SDHC: variants seen among roughly 807,000 people sequenced by gnomAD.
The protein encoded by SDHC is succinate dehydrogenase cytochrome b560 subunit, mitochondrial.
In SDHC, 11 loss-of-function variants were observed where a neutral mutation model predicts 22.6. The ratio of observed to expected loss-of-function variants is 0.49; its 90% CI spans 0.31 to 0.81. The LOEUF is 0.81. Ranked by LOEUF, SDHC falls within the 30% of genes least tolerant of loss-of-function variation. The pLI is 0.05. For missense variants in SDHC, 160 were observed against 212.0 expected (o/e 0.75, Z 1.52); for synonymous variants, 80 against 77.8 (o/e 1.03, Z -0.15).
intron 3 of SDHC, among the ~76,000 whole-genome samples, chr1:161,334,797 G>A (rs1671410201): frequency 6.6e-6 from 1 of 152,106 alleles, no homozygotes; most frequent in South Asian, 2.1e-4. Context: ...TGCCGTAAAA[G>A]GTAACATATT....
chr1:161,334,961 T>G (rs1442482491), intron 3 of SDHC, among the ~76,000 whole-genome samples: 1 of 152,210 alleles, frequency 6.6e-6, no homozygotes, highest in African/African-American at 2.4e-5. Flanking sequence ...GTAGGTCCCA[T>G]TCAAATTTTG....
At chr1:161,331,289 A>G (rs1571855739) in intron 3 of SDHC, among the ~76,000 whole-genome samples, 1 of 151,274 alleles carries the variant, frequency 6.6e-6, no homozygotes, top group Non-Finnish European at 1.5e-5. Context: ...TTTTGTCCAG[A>G]CAGAGTCTCA....
intron 1 of SDHC, among the ~76,000 whole-genome samples, chr1:161,319,429 GGTT>G (rs1374280904): frequency 1.3e-5 from 2 of 151,500 alleles, no homozygotes; most frequent in Non-Finnish European, 2.9e-5. Flanking sequence ...TCCAGGAATT[GGTT>G]GTTTTTTTTT....
At chr1:161,351,144 C>T (rs1321330033) in intron 4 of SDHC, among the ~76,000 whole-genome samples, 1 of 152,194 alleles carries the variant, frequency 6.6e-6, no homozygotes, top group Non-Finnish European at 1.5e-5. Flanking sequence ...CCAGCCTCAA[C>T]TTGGCCTAAA....
In SDHC at chr1:161,314,399, A is replaced by C; in HGVS notation, c.-7A>C. Reference sequence around the variant, plus strand: ...TGGCGTCACTTCCGTCCAGACCGGAACCCAAGATGGCTGCGCTGTTGCTGA... The same window carrying C: ...TGGCGTCACTTCCGTCCAGACCGGACCCCAAGATGGCTGCGCTGTTGCTGA... On this transcript the variant is annotated 5_prime_UTR_variant, in exon 1 of 6. Transcript: ENST00000367975. 1 of 1,613,998 alleles carries C rather than the reference A, an allele frequency of 6.2e-7. No homozygotes were observed. The highest frequency in any genetic ancestry group is 8.5e-7 in the Non-Finnish European group (1 of 1,180,018).
At chr1:161,352,790 T>C (rs59191996) in intron 4 of SDHC, among the ~76,000 whole-genome samples, 17,798 of 152,034 alleles carry the variant, frequency 0.12, 1,414 homozygotes, top group African/African-American at 0.22. Flanking sequence ...GCCTGGCTAA[T>C]GTAGTGAAAC....
chr1:161,333,298 C>A, intron 3 of SDHC, among the ~76,000 whole-genome samples: 1 of 151,982 alleles, frequency 6.6e-6, no homozygotes, highest in Non-Finnish European at 1.5e-5. Flanking sequence ...GCTGCTATGA[C>A]CATTTATTTG....
intron 4 of SDHC, 96 bp downstream of exon 4, chr1:161,340,751 T>C (rs1671693707): frequency 1.1e-6 from 1 of 909,730 alleles, no homozygotes; most frequent in South Asian, 1.3e-5. Context: ...AACTCAGCAC[T>C]TGATTTAGAG....
chr1:161,360,563 T>TA lies in SDHC; in HGVS notation c.406-1754dup, dbSNP rs758051207. Among the ~76,000 whole-genome samples the TA allele has an allele frequency of 8.7e-3, 826 of 95,090 alleles. 11 individuals carry two copies. The highest frequency in any genetic ancestry group is 0.029 in the African/African-American group (728 of 24,862). 62.4% of individuals were successfully genotyped at this position (95,090 alleles called of 152,430 possible). ...AAAGTGAGACCCTGTCTCAAAAAAT[T>TA]AAAAAAAAAAAAGTGGGGGTGGGTG... is the stretch of plus-strand genomic sequence containing the variant. On this transcript the variant is annotated intron_variant, in intron 5 of 5. Transcript: ENST00000367975.
At chr1:161,358,555 T>C (rs534905500) in intron 5 of SDHC, among the ~76,000 whole-genome samples, 1 of 152,082 alleles carries the variant, frequency 6.6e-6, no homozygotes, top group South Asian at 2.1e-4. Context: ...GAGGATCGAA[T>C]GAGCCTGGGA....
At chr1:161,319,222 A>AAAATAAATAAATAAATAAAT (rs35327704) in intron 1 of SDHC, among the ~76,000 whole-genome samples, 1 of 150,874 alleles carries the variant, frequency 6.6e-6, no homozygotes, top group Admixed American at 6.6e-5. Flanking sequence ...ACTCTGTCTT[A>AAAATAAATAAATAAATAAAT]AAATAAATAA....
At chr1:161,357,052 T>C (rs1571890945) in intron 5 of SDHC, among the ~76,000 whole-genome samples, 1 of 152,132 alleles carries the variant, frequency 6.6e-6, no homozygotes, top group African/African-American at 2.4e-5. Flanking sequence ...TGCCTCAGCC[T>C]CTTAAGTAGT....
chr1:161,358,543 G>A (rs1210206508), intron 5 of SDHC, among the ~76,000 whole-genome samples: 2 of 151,970 alleles, frequency 1.3e-5, no homozygotes. Flanking sequence ...AGGCTGAGGT[G>A]GGAGGATCGA....
chr1:161,314,876 T>A, intron 1 of SDHC: 2 of 167,862 alleles, frequency 1.2e-5, no homozygotes, highest in Non-Finnish European at 2.6e-5. Context: ...GCTCCCACCG[T>A]GAGTGGGCGC....
chr1:161,336,036 T>C (rs1471225292), intron 3 of SDHC, among the ~76,000 whole-genome samples: 2 of 152,172 alleles, frequency 1.3e-5, no homozygotes, highest in Non-Finnish European at 1.5e-5. Flanking sequence ...ACCCTTCAGT[T>C]TTTTTCCAAG....
chr1:161,324,697 A>G lies in SDHC; in HGVS notation c.77+1027A>G, dbSNP rs529581093. 3.9e-5 allele frequency among the ~76,000 whole-genome samples: 6 copies of G among 152,266 alleles called. No individual in the cohort carries two copies. The South Asian group carries it at 1.2e-3, about 32-fold the overall frequency. ...GCCGAATACATATTTAATTATTAGT[A>G]TTTTCACTGAATGCTTTAAGGGTAA... is the stretch of plus-strand genomic sequence containing the variant. On this transcript the variant is annotated intron_variant, in intron 2 of 5. Coordinates refer to ENST00000367975, the MANE Select transcript of SDHC (RefSeq NM_003001.5).
chr1:161,322,571 GTT>G (rs61699343), intron 1 of SDHC, among the ~76,000 whole-genome samples: 2 of 140,814 alleles, frequency 1.4e-5, no homozygotes, highest in Admixed American at 7.2e-5. Flanking sequence ...GTTTGTTTTT[GTT>G]TTTTTTTTTT....
At position 161,328,438 on chromosome 1, in the gene SDHC, G is replaced by A. The variant is rs36097930; in HGVS notation, c.120G>A (p.Arg40=). ...CCACGGCCAAAGAAGAGATGGAGCG[G>A]TTCTGGAATAAGAATATAGGTTCAA... ...LGTTAKEEME[R]FWNKNIGSNR... The change falls in exon 3 of 6, where the codon CGG becomes CGA. Residue 40 remains arginine, a synonymous_variant. Coordinates refer to ENST00000367975, the MANE Select transcript of SDHC (RefSeq NM_003001.5). 6.5e-4 allele frequency: 1,045 copies of A among 1,613,746 alleles called. 2 individuals are homozygous for A. The highest frequency in any genetic ancestry group is 1.4e-3 in the South Asian group (126 of 91,082).
At chr1:161,316,353 C>A (rs116728300) in intron 1 of SDHC, among the ~76,000 whole-genome samples, 2 of 152,170 alleles carry the variant, frequency 1.3e-5, no homozygotes. Flanking sequence ...TGCGGCCTAC[C>A]GCAGTGTTTT....
Sources: gnomAD v4.1 joint callset for allele counts (sites outside exome capture counted in the v4.1 genomes callset) on GRCh38, gnomAD v4.1.1 for gene constraint, MANE v1.5 for transcripts, NCBI Gene and HGNC (gene_info 2026-07-23, HGNC 2026-07-21) for gene names.